The following UFL1 variants were observed in gnomAD, a reference collection of about 807,000 sequenced individuals.
The protein encoded by UFL1 is E3 UFM1-protein ligase 1.
UFL1 carries 78 observed loss-of-function variants against 99.3 expected under a neutral mutation model. That is an observed-to-expected ratio of 0.79 (90% CI 0.65 to 0.95). The LOEUF (loss-of-function observed/expected upper bound fraction) is 0.95. Among genes scored for constraint, UFL1 ranks in the 40% least tolerant of loss-of-function variants. The probability of loss-of-function intolerance (pLI) is 0.00; values close to 1 mark genes in which losing one functional copy is unlikely to be tolerated. For synonymous variants in UFL1, 335 were observed against 322.2 expected (o/e 1.04, Z -0.42); for missense variants, 936 against 937.0 (o/e 1.00, Z 0.01).
At position 96,553,273 on chromosome 6, in the gene UFL1, C is replaced by T; in HGVS notation, c.2167-12C>T. The T allele has an allele frequency of 2.5e-6, 4 of 1,606,080 alleles. No homozygotes were observed. The highest frequency in any genetic ancestry group is 3.4e-6 in the Non-Finnish European group (4 of 1,176,760). ...AAATTGTGTTGATTAACTTTTCTTT[C>T]CCTTTTCACAGGATCAGCATGCTCT... On this transcript the variant is annotated splice_polypyrimidine_tract_variant and intron_variant, in intron 18 of 18. Transcript: ENST00000369278.
At chr6:96,534,380 AACTT>A (rs1769824911) in intron 7 of UFL1, 59 bp downstream of exon 7, 31 of 1,232,510 alleles carry the variant, frequency 2.5e-5, no homozygotes, top group Non-Finnish European at 3.1e-5. Context: ...ATTAATGTAA[AACTT>A]ACTAACTTTA....
chr6:96,522,886 G>C lies in UFL1; in HGVS notation c.78-260G>C, dbSNP rs1052631841. ...AGATTTGAAGATTGGAAGCAGGCCT[G>C]TAAGAGACAACAGACTTGAAATTTG... is the stretch of plus-strand genomic sequence containing the variant. On this transcript the variant is annotated intron_variant, in intron 1 of 18. Coordinates refer to ENST00000369278, the MANE Select transcript of UFL1 (RefSeq NM_015323.5). The C allele has an allele frequency of 1.8e-5, 5 of 274,832 alleles. No individual in the cohort carries two copies. The East Asian group carries it at 3.2e-4, about 18-fold the overall frequency. 17.0% of individuals were successfully genotyped at this position (274,832 alleles called of 1,614,324 possible).
At chr6:96,539,635 C>T (rs902518689) in intron 10 of UFL1, among the ~76,000 whole-genome samples, 44 of 151,406 alleles carry the variant, frequency 2.9e-4, no homozygotes, top group African/African-American at 1.0e-3. Flanking sequence ...CTCTAGTTTC[C>T]TCATCTTTAA....
chr6:96,539,492 A>G (rs1321412577), intron 10 of UFL1, among the ~76,000 whole-genome samples: 2 of 151,614 alleles, frequency 1.3e-5, no homozygotes, highest in African/African-American at 2.4e-5. Context: ...AAGCTCTTTA[A>G]TAGTCTAAAA....
At chr6:96,552,874 AG>A (rs1770102412) in intron 18 of UFL1, among the ~76,000 whole-genome samples, 1 of 152,142 alleles carries the variant, frequency 6.6e-6, no homozygotes, top group African/African-American at 2.4e-5. Context: ...TTGGAAATTA[AG>A]CTTTCAGAAA....
chr6:96,543,009 C>T lies in UFL1; in HGVS notation c.1395C>T (p.Ser465=), dbSNP rs368143231. Residue 465 remains serine, a synonymous_variant, in exon 12 of 19, where the codon TCC becomes TCT. Transcript: ENST00000369278. ...DDDSDDESQS[S]HTGKKKPEIS... ...ATAGTGATGATGAATCTCAATCATC[C>T]CACACTGGTAGGTAGCTTTTCTTTA... The T allele has an allele frequency of 1.5e-5, 24 of 1,589,418 alleles. No homozygotes were observed. The highest frequency in any genetic ancestry group is 2.0e-5 in the Non-Finnish European group (23 of 1,168,064).
chr6:96,551,461 C>A lies in UFL1; in HGVS notation c.1847C>A (p.Ser616Ter). 1.3e-6 allele frequency: 2 copies of A among 1,531,140 alleles called. No individual in the cohort carries two copies. Among genetic ancestry groups the A allele is most frequent in the South Asian group, 1.2e-5 (1 of 81,256 alleles). 94.8% of individuals were successfully genotyped at this position (1,531,140 alleles called of 1,614,324 possible). A position where few individuals can be genotyped will look rare whatever the true frequency, so the allele number is the denominator to read the frequency against. ...AGAAAGAAAATTTTAAGTAAATTAT[C>A]AGAAGAAACCAAAGTAGCTCTTACA... ...EIRKKILSKL[S>*]EETKVALTKL... is the part of the protein sequence containing the mutation. Residue 616 changes from serine (S) to a stop codon, truncating the protein, a stop_gained, in exon 16 of 19, where the codon TCA becomes TAA. Coordinates refer to ENST00000369278, the MANE Select transcript of UFL1 (RefSeq NM_015323.5). LOFTEE classifies it high-confidence loss of function.
At chr6:96,523,915 TTATC>T (rs1222973461) in intron 2 of UFL1, among the ~76,000 whole-genome samples, 2 of 152,178 alleles carry the variant, frequency 1.3e-5, no homozygotes, top group Non-Finnish European at 2.9e-5. Context: ...CTTTTTTTAT[TTATC>T]TATTTTCCTT....
intron 7 of UFL1, among the ~76,000 whole-genome samples, chr6:96,534,910 G>T (rs1356031571): frequency 6.6e-6 from 1 of 151,508 alleles, no homozygotes; most frequent in Non-Finnish European, 1.5e-5. Flanking sequence ...AATGAAAAAT[G>T]GAAAAGAAAT....
chr6:96,553,229 A>G, intron 18 of UFL1, 56 bp from the exon 19 acceptor site: 1 of 1,525,406 alleles, frequency 6.6e-7, no homozygotes, highest in Non-Finnish European at 9.0e-7. Flanking sequence ...ATTCTACTTT[A>G]TCTGTTCCAC....
intron 7 of UFL1, among the ~76,000 whole-genome samples, chr6:96,535,808 T>G (rs1348269373): frequency 6.6e-6 from 1 of 152,044 alleles, no homozygotes; most frequent in East Asian, 1.9e-4. Flanking sequence ...CTGATTCTAT[T>G]ATAGTCTAGG....
intron 11 of UFL1, among the ~76,000 whole-genome samples, chr6:96,541,196 G>A (rs1360919916): frequency 1.3e-5 from 2 of 151,414 alleles, no homozygotes; most frequent in Non-Finnish European, 3.0e-5. Context: ...TCACCATGAT[G>A]TGTTTTATTG....
In UFL1 at chr6:96,552,570, CTGT is replaced by C; in HGVS notation, c.2079_2081del (p.Leu693del). ...TCTTATTCTGCACCTCACATCAGTCCTGTTGTTTCAGTTTTCAACCCACAGCAT... is the reference window on the plus strand; with the variant it reads ...TCTTATTCTGCACCTCACATCAGTCCTGTTTCAGTTTTCAACCCACAGCAT... On this transcript the variant is annotated inframe_deletion, in exon 18 of 19. Transcript: ENST00000369278. 1 of 1,613,210 alleles carries C rather than the reference CTGT, an allele frequency of 6.2e-7. No individual in the cohort carries two copies. The highest frequency in any genetic ancestry group is 1.1e-5 in the South Asian group (1 of 91,022).
At position 96,548,157 on chromosome 6, in the gene UFL1, G is replaced by A. The variant is rs564651687; in HGVS notation, c.1403-7G>A. 1.3e-5 allele frequency: 20 copies of A among 1,560,530 alleles called. No individual in the cohort carries two copies. The Admixed American group carries it at 2.1e-4, about 16-fold the overall frequency. The stretch of plus-strand genomic sequence containing the variant: ...TATTTATTTGCCATTGCTCATGTCC[G>A]ATATAGGAAAGAAGAAGCCAGAGAT... On this transcript the variant is annotated splice_region_variant and splice_polypyrimidine_tract_variant and intron_variant, in intron 12 of 18. Transcript: ENST00000369278.
chr6:96,524,099 A>G (rs1039864573), intron 2 of UFL1, among the ~76,000 whole-genome samples: 19 of 152,144 alleles, frequency 1.2e-4, no homozygotes, highest in African/African-American at 4.3e-4. Flanking sequence ...GTGAAGGGAA[A>G]TGAATACCCT....
At position 96,555,238 on chromosome 6, in the gene UFL1, A is replaced by C. The variant is rs2499772; in HGVS notation, c.*1735A>C. 3 of 152,150 alleles carry C rather than the reference A, an allele frequency of 2.0e-5. No homozygotes were observed. Among genetic ancestry groups the C allele is most frequent in the African/African-American group, 7.2e-5 (3 of 41,442 alleles). 9.4% of individuals were successfully genotyped at this position (152,150 alleles called of 1,614,324 possible). A position where few individuals can be genotyped will look rare whatever the true frequency, so the allele number is the denominator to read the frequency against. On this transcript the variant is annotated 3_prime_UTR_variant, in exon 19 of 19. Coordinates refer to ENST00000369278, the MANE Select transcript of UFL1 (RefSeq NM_015323.5). ...TACTGTGATCTTAATGGGCAGGGTT[A>C]AGAAAGTTATTTAAAATAAAGTTAC...
intron 10 of UFL1, 69 bp from the exon 11 acceptor site, chr6:96,540,466 A>G (rs1769915069): frequency 2.0e-6 from 3 of 1,534,244 alleles, no homozygotes; most frequent in South Asian, 1.3e-5. Flanking sequence ...TAGTGAGTAT[A>G]TAAACAACTT....
In UFL1 at chr6:96,554,148, T is replaced by C. The variant is rs1378861011; in HGVS notation, c.*645T>C. 1 of 152,230 alleles carries C rather than the reference T, an allele frequency of 6.6e-6. No individual in the cohort carries two copies. The highest frequency in any genetic ancestry group is 1.5e-5 in the Non-Finnish European group (1 of 68,052). The allele number at this position is 152,230 out of a possible 1,614,324, so 9.4% of individuals were successfully genotyped here. Reference sequence around the variant, plus strand: ...TGCACAAGAACGCTAGAGTGGCCCATGCATTGCTGTGTTCTCTTCTAAAAC... The same window carrying C: ...TGCACAAGAACGCTAGAGTGGCCCACGCATTGCTGTGTTCTCTTCTAAAAC... On this transcript the variant is annotated 3_prime_UTR_variant, in exon 19 of 19. Coordinates refer to ENST00000369278, the MANE Select transcript of UFL1 (RefSeq NM_015323.5).
rs1408028153 is a variant in UFL1 at position 96,538,778 on chromosome 6, T to C, written c.1126T>C (p.Phe376Leu). 2 of 1,606,758 alleles carry C rather than the reference T, an allele frequency of 1.2e-6. No individual in the cohort carries two copies. The highest frequency in any genetic ancestry group is 1.7e-6 in the Non-Finnish European group (2 of 1,175,768). ...ATTTATAAATGACTGTACAGAACTG[T>C]TCCGTGAGCTGATGCACCAGAAAGC... ...EKFINDCTELFRELMHQKAEK... is the reference protein window; with the variant it reads ...EKFINDCTELLRELMHQKAEK... The change falls in exon 10 of 19, where the codon TTC becomes CTC. Residue 376 changes from phenylalanine (F) to leucine (L), a missense_variant. Phe to Leu is a conservative substitution (Grantham distance 22). Transcript: ENST00000369278.
Sources: gnomAD v4.1 joint callset for allele counts (sites outside exome capture counted in the v4.1 genomes callset) on GRCh38, gnomAD v4.1.1 for gene constraint, MANE v1.5 for transcripts, NCBI Gene and HGNC (gene_info 2026-07-23, HGNC 2026-07-21) for gene names.